The following ACSL5 variants were observed in gnomAD, a reference collection of about 807,000 sequenced individuals.
ACSL5 encodes acyl-CoA synthetase long chain family member 5, also known as long-chain-fatty-acid--CoA ligase 5.
ACSL5 carries 50 observed loss-of-function variants against 84.9 expected under a neutral mutation model. The observed-to-expected ratio is 0.59, with a 90% CI of 0.47 to 0.75. ACSL5 has a LOEUF of 0.75. Among genes scored for constraint, ACSL5 ranks in the 30% least tolerant of loss-of-function variants. The probability of loss-of-function intolerance (pLI) is 0.00; values close to 1 mark genes in which losing one functional copy is unlikely to be tolerated. For missense variants in ACSL5, 775 were observed against 830.4 expected, an observed-to-expected ratio of 0.93 and a Z score of 0.82; for synonymous variants, 280 against 300.7, an observed-to-expected ratio of 0.93 and a Z score of 0.71.
chr10:112,408,327 A>ATGTTTTGTTTT (rs1844097156), intron 5 of ACSL5, 95 bp from the exon 6 acceptor site: 2 of 836,908 alleles, frequency 2.4e-6, no homozygotes, highest in Non-Finnish European at 3.9e-6. Context: ...AAAACAAAAC[A>ATGTTTTGTTTT]AGACAAAAAA....
rs139260729 is a variant in ACSL5, at chr10:112,395,030, C to G, written c.84C>G (p.Phe28Leu). The change falls in exon 2 of 21, where the codon TTC (phenylalanine) becomes TTG (leucine). Residue 28 changes from phenylalanine (F) to leucine (L), a missense_variant. Phe to Leu is a conservative substitution (Grantham distance 22). Transcript: ENST00000354655. The part of the protein sequence containing the change: ...ICILTFGAAI[F>L]LWLITRPQPV... ...TCCTGACATTTGGAGCTGCCATCTT[C>G]TTGTGGCTGATCACCAGACCTCAAC... 292 of 1,614,124 alleles carry G rather than the reference C, an allele frequency of 1.8e-4. No individual in the cohort carries two copies. In the African/African-American group the frequency reaches 3.1e-3, roughly 17 times the overall value.
In ACSL5 at chr10:112,427,152, T is replaced by C. The variant is rs921656041; in HGVS notation, c.1912-66T>C. The C allele has an allele frequency of 4.0e-6, 6 of 1,509,746 alleles. No homozygotes were observed. The African/African-American group carries it at 8.4e-5, about 21-fold the overall frequency. The allele number at this position is 1,509,746 out of a possible 1,614,324, so 93.5% of individuals were successfully genotyped here. A position where few individuals can be genotyped will look rare whatever the true frequency, so the allele number is the denominator to read the frequency against. ...CAACCTCACTTTCTTCACAGAGCACTCAGGGGGCTCTGCAGAGAAGTCCAA... is the reference window on the plus strand; with the variant it reads ...CAACCTCACTTTCTTCACAGAGCACCCAGGGGGCTCTGCAGAGAAGTCCAA... On this transcript the variant is annotated intron_variant, in intron 20 of 20. Coordinates refer to ENST00000354655, the MANE Select transcript of ACSL5 (RefSeq NM_203379.2).
intron 15 of ACSL5, 38 bp from the exon 16 acceptor site, chr10:112,421,909 C>A: frequency 3.8e-6 from 6 of 1,582,852 alleles, no homozygotes; most frequent in Non-Finnish European, 5.2e-6. Context: ...TATCACCATG[C>A]AAGAGTTTCT....
At chr10:112,425,670 A>G (rs1564746256) in intron 18 of ACSL5, 189 bp downstream of exon 18, 1 of 500,510 alleles carries the variant, frequency 2.0e-6, no homozygotes, top group East Asian at 3.4e-5. Flanking sequence ...TTTCAAAACT[A>G]TGATGGACGT....
intron 17 of ACSL5, chr10:112,424,684 T>C (rs1844602441): frequency 6.6e-6 from 1 of 152,166 alleles, no homozygotes; most frequent in South Asian, 2.1e-4. Flanking sequence ...CTACTTAGGG[T>C]GTTAGCATGT....
intron 1 of ACSL5, among the ~76,000 whole-genome samples, chr10:112,391,215 A>G (rs1012207020): frequency 2.0e-5 from 3 of 152,108 alleles, no homozygotes; most frequent in Non-Finnish European, 2.9e-5. Context: ...CCTCGTCTCT[A>G]CTAAAAATGC....
At chr10:112,397,514 C>T (rs753959087) in intron 2 of ACSL5, among the ~76,000 whole-genome samples, 6 of 152,118 alleles carry the variant, frequency 3.9e-5, no homozygotes, top group Admixed American at 1.3e-4. Flanking sequence ...TAGCTGCCCA[C>T]CCAACTCTGC....
intron 1 of ACSL5, among the ~76,000 whole-genome samples, chr10:112,374,487 A>G (rs950781980): frequency 6.6e-6 from 1 of 152,202 alleles, no homozygotes; most frequent in Non-Finnish European, 1.5e-5. Context: ...TGAGCTATCC[A>G]AATGCTAGCA....
chr10:112,421,023 A>G (rs1844448237), intron 14 of ACSL5, among the ~76,000 whole-genome samples: 1 of 151,212 alleles, frequency 6.6e-6, no homozygotes, highest in African/African-American at 2.4e-5. Flanking sequence ...TGCCTGGCCA[A>G]AATGCTGCAT....
intron 1 of ACSL5, among the ~76,000 whole-genome samples, chr10:112,391,153 C>T (rs547916435): frequency 1.3e-3 from 193 of 152,148 alleles, no homozygotes; most frequent in Non-Finnish European, 2.0e-3. Flanking sequence ...CCAAGGCGGG[C>T]GGATCACCTG....
Position 112,374,259 on chromosome 10 carries a change from C to A in ACSL5, c.-40C>A, listed in dbSNP as rs1849199716. 1.3e-5 allele frequency: 2 copies of A among 152,064 alleles called. No homozygotes were observed. Among genetic ancestry groups the A allele is most frequent in the South Asian group, 4.2e-4 (2 of 4,814 alleles). 9.4% of individuals were successfully genotyped at this position (152,064 alleles called of 1,614,324 possible). ...CTTCCTGGACCCAGGAAGGGAGAGT[C>A]TTCTTCCAAGGTAAGCTGCAATGAT... On this transcript the variant is annotated 5_prime_UTR_variant, in exon 1 of 21. Coordinates refer to ENST00000354655, the MANE Select transcript of ACSL5 (RefSeq NM_203379.2).
Position 112,411,924 on chromosome 10 carries a change from A to T in ACSL5, c.893A>T (p.Asp298Val). Residue 298 changes from aspartate to valine, a missense_variant, in exon 11 of 21, where the codon GAT becomes GTT. Coordinates refer to ENST00000354655, the MANE Select transcript of ACSL5 (RefSeq NM_203379.2). Reference sequence around the variant, plus strand: ...TAGCATGCTTATGAGCCCACTCCTGATGATGTGGCCATATCCTACCTCCCT... The same window carrying T: ...TAGCATGCTTATGAGCCCACTCCTGTTGATGTGGCCATATCCTACCTCCCT... ...CVEHAYEPTP[D>V]DVAISYLPLA... 1 of 1,614,018 alleles carries T rather than the reference A, an allele frequency of 6.2e-7. No homozygotes were observed. Among genetic ancestry groups the T allele is most frequent in the African/African-American group, 1.3e-5 (1 of 75,046 alleles).
chr10:112,395,071 T>C lies in ACSL5; in HGVS notation c.125T>C (p.Leu42Pro), dbSNP rs760959804. 3.7e-6 allele frequency: 6 copies of C among 1,613,990 alleles called. No individual in the cohort carries two copies. The Admixed American group carries it at 1.0e-4, about 27-fold the overall frequency. The change falls in exon 2 of 21, where the codon CTT (leucine) becomes CCT (proline). Residue 42 changes from leucine to proline, a missense_variant. By Grantham distance (98) the Leu-to-Pro change is moderately conservative. Coordinates refer to ENST00000354655, the MANE Select transcript of ACSL5 (RefSeq NM_203379.2). ...AGACCTCAACCCGTCTTACCTCTTC[T>C]TGACCTGAACAATCAGTCTGTGGGA... Reference protein sequence around the residue: ...ITRPQPVLPLLDLNNQSVGIE... With the variant: ...ITRPQPVLPLPDLNNQSVGIE...
intron 1 of ACSL5, among the ~76,000 whole-genome samples, chr10:112,390,861 AT>A (rs1246887025): frequency 6.6e-6 from 1 of 152,242 alleles, no homozygotes; most frequent in Admixed American, 6.5e-5. Flanking sequence ...TTTAGAATAG[AT>A]AAATCCATAG....
At chr10:112,413,921 A>C (rs1338711329) in intron 12 of ACSL5, among the ~76,000 whole-genome samples, 1 of 152,120 alleles carries the variant, frequency 6.6e-6, no homozygotes, top group Non-Finnish European at 1.5e-5. Context: ...TTTCAGATGC[A>C]TCCTCTCATT....
chr10:112,401,030 C>G (rs61872356), intron 3 of ACSL5, among the ~76,000 whole-genome samples: 1 of 151,828 alleles, frequency 6.6e-6, no homozygotes, highest in Non-Finnish European at 1.5e-5. Flanking sequence ...TGGAAGCAGG[C>G]GTGAGAAATC....
intron 1 of ACSL5, among the ~76,000 whole-genome samples, chr10:112,379,098 G>A (rs2133558129): frequency 6.6e-6 from 1 of 152,232 alleles, no homozygotes; most frequent in Admixed American, 6.5e-5. Flanking sequence ...GAAGTGCTCT[G>A]TTTAAATAGA....
chr10:112,426,519 C>T, intron 19 of ACSL5, 160 bp downstream of exon 19: 1 of 636,632 alleles, frequency 1.6e-6, no homozygotes, highest in Non-Finnish European at 2.7e-6. Context: ...AAAAATAAAA[C>T]TCTCTTTTCT....
intron 12 of ACSL5, among the ~76,000 whole-genome samples, chr10:112,414,285 A>C (rs924306974): frequency 6.6e-6 from 1 of 151,862 alleles, no homozygotes. Flanking sequence ...AAAAGTAGCC[A>C]ATGAGATTTT....
Sources: allele counts gnomAD v4.1 joint callset (sites outside exome capture counted in the v4.1 genomes callset), GRCh38; gene constraint gnomAD v4.1.1; transcripts MANE v1.5; gene names NCBI Gene and HGNC (gene_info 2026-07-23, HGNC 2026-07-21).